RTN2: variants seen among roughly 807,000 people sequenced by gnomAD.
RTN2 encodes reticulon-2.
RTN2 carries 36 observed loss-of-function variants against 63.7 expected under a neutral mutation model. The observed-to-expected ratio is 0.56, with a 90% confidence interval of 0.43 to 0.75. The LOEUF is 0.75. Ranked by LOEUF, RTN2 falls within the 30% of genes least tolerant of loss-of-function variation. The probability of loss-of-function intolerance (pLI) is 0.00; values close to 1 mark genes in which losing one functional copy is unlikely to be tolerated. For missense variants in RTN2, 673 were observed against 705.1 expected (o/e 0.95, Z 0.52); for synonymous variants, 312 against 313.0 (o/e 1.00, Z 0.03).
At chr19:45,489,994 C>T (rs1968119485) in intron 5 of RTN2, among the ~76,000 whole-genome samples, 1 of 151,880 alleles carries the variant, frequency 6.6e-6, no homozygotes, top group South Asian at 2.1e-4. Flanking sequence ...GCCCGATTTG[C>T]AATTTTTTAA....
rs755367786 is a variant in RTN2, at chr19:45,488,906, G to A, written c.1322C>T (p.Ser441Leu). Residue 441 changes from serine (S) to leucine (L), a missense_variant, in exon 7 of 11, where the codon TCG becomes TTG. By Grantham distance (145) the Ser-to-Leu change is moderately radical. Transcript: ENST00000245923. ...GAAGTGCCGCAGCTGCGTGGCCGCC[G>A]AGACCACGCGGGAGGTGATCTGGTG... ...LSHQITSRVV[S>L]AATQLRHFFL... 11 of 1,608,752 alleles carry A rather than the reference G, an allele frequency of 6.8e-6. No individual in the cohort carries two copies. In the East Asian group the frequency reaches 1.1e-4, roughly 16 times the overall value.
Position 45,489,418 on chromosome 19 carries a change from C to G in RTN2, c.1169G>C (p.Gly390Ala). Residue 390 changes from glycine to alanine, a missense_variant, in exon 6 of 11, where the codon GGC becomes GCC. Transcript: ENST00000245923. ...AAHLALLLLC[G>A]TISLRVYRKV... is the part of the protein sequence containing the mutation. ...GCGGTAAACCCTGAGAGAGATGGTG[C>G]CGCAGAGCAGCAACAGAGCCAAGTG... is the stretch of plus-strand genomic sequence containing the variant. 6.2e-7 allele frequency: 1 copy of G among 1,606,294 alleles called. No individual in the cohort carries two copies. Among genetic ancestry groups the G allele is most frequent in the Non-Finnish European group, 8.5e-7 (1 of 1,176,744 alleles).
chr19:45,494,953 T>A lies in RTN2; in HGVS notation c.132A>T (p.Ser44=). ...ACGTGGTCTCCTCCTCGTCCTCCTCTGAGAATTCCCGGGCTGTGTGCAGCT... is the reference window on the plus strand; with the variant it reads ...ACGTGGTCTCCTCCTCGTCCTCCTCAGAGAATTCCCGGGCTGTGTGCAGCT... ...FRELHTAREF[S]EEDEEETTSQ... Residue 44 remains serine (S), a synonymous_variant, in exon 3 of 11, where the codon TCA becomes TCT. Transcript: ENST00000245923. The surrounding 1 kb of genome is among the most constrained non-coding windows in gnomAD (Gnocchi z 5.3). 2 of 1,613,938 alleles carry A rather than the reference T, an allele frequency of 1.2e-6. No homozygotes were observed. Among genetic ancestry groups the A allele is most frequent in the Non-Finnish European group, 1.7e-6 (2 of 1,179,944 alleles).
intron 5 of RTN2, among the ~76,000 whole-genome samples, chr19:45,491,360 ATT>A (rs752835899): frequency 7.6e-4 from 95 of 125,474 alleles, no homozygotes; most frequent in Non-Finnish European, 9.3e-4. Context: ...TATCGTGCTA[ATT>A]TTTTTTTTTT....
At chr19:45,487,561 T>G (rs994241350) in intron 9 of RTN2, among the ~76,000 whole-genome samples, 2 of 150,470 alleles carry the variant, frequency 1.3e-5, no homozygotes, top group Non-Finnish European at 2.9e-5. Context: ...TTTATTTTTA[T>G]GTTTTTATTT....
chr19:45,485,927 G>T, intron 10 of RTN2, 128 bp downstream of exon 10: 1 of 1,168,064 alleles, frequency 8.6e-7, no homozygotes, highest in East Asian at 2.4e-5. Context: ...GGCCTACATT[G>T]GAATTGCCTC....
rs1162797495 is a variant in RTN2, at chr19:45,494,937, C to A, written c.148G>T (p.Glu50Ter). 3 of 1,613,752 alleles carry A rather than the reference C, an allele frequency of 1.9e-6. No homozygotes were observed. In the Admixed American group the frequency reaches 5.0e-5, roughly 27 times the overall value. Reference protein sequence around the residue: ...AREFSEEDEEETTSQDWGTPR... With the variant: ...AREFSEEDEE ...GTGCCCCAGTCCTGCGACGTGGTCTCCTCCTCGTCCTCCTCTGAGAATTCC... is the reference window on the plus strand; with the variant it reads ...GTGCCCCAGTCCTGCGACGTGGTCTACTCCTCGTCCTCCTCTGAGAATTCC... Residue 50 changes from glutamate (E) to a stop codon, truncating the protein, a stop_gained, in exon 3 of 11, where the codon GAG (glutamate) becomes TAG (stop). Transcript: ENST00000245923. LOFTEE classifies it high-confidence loss of function. The surrounding 1 kb of genome is among the most constrained non-coding windows in gnomAD (Gnocchi z 5.3).
Position 45,494,386 on chromosome 19 carries a change from T to C in RTN2, c.594A>G (p.Ser198=). 1 of 1,613,894 alleles carries C rather than the reference T, an allele frequency of 6.2e-7. No homozygotes were observed. Among genetic ancestry groups the C allele is most frequent in the South Asian group, 1.1e-5 (1 of 91,078 alleles). Residue 198 remains serine, a synonymous_variant, in exon 4 of 11, where the codon TCA becomes TCG. Coordinates refer to ENST00000245923, the MANE Select transcript of RTN2 (RefSeq NM_005619.5). The surrounding 1 kb of genome is among the most constrained non-coding windows in gnomAD (Gnocchi z 5.3). ...LDLRLRLAQP[S]SPEVLTPQLS... The stretch of plus-strand genomic sequence containing the variant: ...GCTGGGGAGTCAAGACCTCGGGCGA[T>C]GAGGGCTGAGCAAGTCGGAGTCGTA...
chr19:45,489,618 CCT>C, intron 5 of RTN2, 65 bp from the exon 6 acceptor site: 6 of 1,171,156 alleles, frequency 5.1e-6, no homozygotes, highest in Non-Finnish European at 7.4e-6. Context: ...CCTCCCTTTC[CCT>C]GTCCTACAGC....
intron 9 of RTN2, 28 bp from the exon 10 acceptor site, chr19:45,486,141 AG>A (rs772174692): frequency 1.2e-6 from 2 of 1,602,950 alleles, no homozygotes; most frequent in South Asian, 2.2e-5. Flanking sequence ...AGGTGAAAGA[AG>A]GGATTGGAGG....
intron 1 of RTN2, chr19:45,496,518 C>T (rs1968272296): frequency 2.9e-6 from 1 of 342,966 alleles, no homozygotes; most frequent in Non-Finnish European, 5.3e-6. Context: ...CGCGTCCTCG[C>T]TCCCGGGCGG....
intron 10 of RTN2, 66 bp downstream of exon 10, chr19:45,485,989 T>C (rs1009389298): frequency 6.7e-6 from 10 of 1,497,552 alleles, no homozygotes; most frequent in African/African-American, 5.5e-5. Flanking sequence ...ACAGCGAGAG[T>C]AGAAAGGAAA....
In RTN2 at chr19:45,486,098, A is replaced by G; in HGVS notation, c.1513T>C (p.Tyr505His). 6.2e-7 allele frequency: 1 copy of G among 1,614,024 alleles called. No homozygotes were observed. Among genetic ancestry groups the G allele is most frequent in the South Asian group, 1.1e-5 (1 of 91,064 alleles). The part of the protein sequence containing the change: ...YRQHQAQIDQ[Y>H]VGLVTNQLSH... ...AACTGATTGGTCACCAACCCCACATATTGGTCGATCTGAGCCTGGGGAGAC... is the reference window on the plus strand; with the variant it reads ...AACTGATTGGTCACCAACCCCACATGTTGGTCGATCTGAGCCTGGGGAGAC... The change falls in exon 10 of 11, where the codon TAT becomes CAT. Residue 505 changes from tyrosine to histidine, a missense_variant. Tyr to His is a moderately conservative substitution (Grantham distance 83). Transcript: ENST00000245923.
At chr19:45,491,360 ATTTTTTTT>A (rs752835899) in intron 5 of RTN2, among the ~76,000 whole-genome samples, 7 of 125,532 alleles carry the variant, frequency 5.6e-5, no homozygotes, top group Non-Finnish European at 8.5e-5. Context: ...TATCGTGCTA[ATTTTTTTT>A]TTTTTTTTTT....
At position 45,494,219 on chromosome 19, in the gene RTN2, T is replaced by C. The variant is rs1325782992; in HGVS notation, c.761A>G (p.Gln254Arg). Reference sequence around the variant, plus strand: ...TAATTGGTCCGTGCTATCGAGGCACTGTCCCCTTACTGGCTCTCGCTCCAG... The same window carrying C: ...TAATTGGTCCGTGCTATCGAGGCACCGTCCCCTTACTGGCTCTCGCTCCAG... ...GPLEREPVRG[Q>R]CLDSTDQLEF... The change falls in exon 4 of 11, where the codon CAG (glutamine) becomes CGG (arginine). Residue 254 changes from glutamine to arginine, a missense_variant. Gln to Arg is a conservative substitution (Grantham distance 43). Transcript: ENST00000245923. This position sits in a 1 kb window ranked among gnomAD's most constrained non-coding sequence, Gnocchi z 5.3. 1.9e-6 allele frequency: 3 copies of C among 1,610,588 alleles called. No homozygotes were observed. Among genetic ancestry groups the C allele is most frequent in the Non-Finnish European group, 2.5e-6 (3 of 1,179,992 alleles).
chr19:45,486,721 TC>T (rs1302947897), intron 9 of RTN2, among the ~76,000 whole-genome samples: 4 of 138,368 alleles, frequency 2.9e-5, no homozygotes, highest in Admixed American at 7.8e-5. Flanking sequence ...CTTTTTTTTT[TC>T]TTTTTCTTTC....
Position 45,496,865 on chromosome 19 carries a change from G to A in RTN2, c.-40C>T, listed in dbSNP as rs1288509888. The A allele has an allele frequency of 1.4e-6, 2 of 1,389,468 alleles. No homozygotes were observed. Among genetic ancestry groups the A allele is most frequent in the South Asian group, 1.5e-5 (1 of 66,446 alleles). The allele number at this position is 1,389,468 out of a possible 1,614,324, so 86.1% of individuals were successfully genotyped here. On this transcript the variant is annotated 5_prime_UTR_variant, in exon 1 of 11. Coordinates refer to ENST00000245923, the MANE Select transcript of RTN2 (RefSeq NM_005619.5). ...CTGCATCGGGACCCCCGCCCACTCC[G>A]GCTGTGCCGCCCTGGGCCCGGGGTC...
intron 5 of RTN2, among the ~76,000 whole-genome samples, chr19:45,492,634 C>T (rs1229846668): frequency 6.6e-6 from 1 of 152,200 alleles, no homozygotes; most frequent in Non-Finnish European, 1.5e-5. Flanking sequence ...CCTCTCTATC[C>T]TCCCACACTC....
Position 45,494,188 on chromosome 19 carries a change from G to A in RTN2, c.792C>T (p.Phe264=). 6.2e-7 allele frequency: 1 copy of A among 1,604,630 alleles called. No homozygotes were observed. The highest frequency in any genetic ancestry group is 8.5e-7 in the Non-Finnish European group (1 of 1,179,926). The change falls in exon 4 of 11, where the codon TTC becomes TTT. Residue 264 remains phenylalanine, a synonymous_variant. Transcript: ENST00000245923. The surrounding 1 kb of genome is among the most constrained non-coding windows in gnomAD (Gnocchi z 5.3). ...QCLDSTDQLE[F]TVEPRLLGTA... ...TACCTAGAAGGCGTGGCTCCACCGT[G>A]AATTCTAATTGGTCCGTGCTATCGA...
Sources: allele counts gnomAD v4.1 joint callset (sites outside exome capture counted in the v4.1 genomes callset), GRCh38; gene constraint gnomAD v4.1.1; non-coding constraint Gnocchi (gnomAD v3.1); transcripts MANE v1.5; gene names NCBI Gene and HGNC (gene_info 2026-07-23, HGNC 2026-07-21).